CYP2C19: variants seen among roughly 807,000 people sequenced by gnomAD.
The protein encoded by CYP2C19 is cytochrome P450 family 2 subfamily C member 19.
Under a neutral mutation model 40.9 loss-of-function variants are expected in CYP2C19, and 59 were observed. The observed-to-expected ratio is 1.44, with a 90% confidence interval of 1.17 to 1.79. The LOEUF (loss-of-function observed/expected upper bound fraction) is 1.79, where lower values mean the gene tolerates loss of function less well. Ranked by LOEUF, CYP2C19 falls within the 40% of genes most tolerant of loss-of-function variation. CYP2C19 has a pLI of 0.00. For synonymous variants in CYP2C19, 253 were observed against 208.7 expected (o/e 1.21, Z -1.83); for missense variants, 754 against 596.9 (o/e 1.26, Z -2.74).
Position 94,849,979 on chromosome 10 carries a change from A to G in CYP2C19, c.1212A>G (p.Pro404=). The part of the protein sequence containing the change: ...VLHDNKEFPN[P]EMFDPRHFLD... Reference sequence around the variant, plus strand: ...ATGACAACAAAGAATTTCCCAACCCAGAGATGTTTGACCCTCGTCACTTTC... The same window carrying G: ...ATGACAACAAAGAATTTCCCAACCCGGAGATGTTTGACCCTCGTCACTTTC... Residue 404 remains proline (P), a synonymous_variant, in exon 8 of 9, where the codon CCA becomes CCG. Coordinates refer to ENST00000371321, the MANE Select transcript of CYP2C19 (RefSeq NM_000769.4). 1 of 1,613,768 alleles carries G rather than the reference A, an allele frequency of 6.2e-7. No individual in the cohort carries two copies. Among genetic ancestry groups the G allele is most frequent in the Non-Finnish European group, 8.5e-7 (1 of 1,179,776 alleles).
At chr10:94,786,036 C>T (rs569729137) in intron 5 of CYP2C19, among the ~76,000 whole-genome samples, 11 of 151,946 alleles carry the variant, frequency 7.2e-5, no homozygotes, top group Non-Finnish European at 1.5e-4. Context: ...TGCTGTGGTC[C>T]GCCTCCTTCC....
intron 1 of CYP2C19, among the ~76,000 whole-genome samples, chr10:94,764,062 G>T (rs577684366): frequency 1.2e-4 from 18 of 152,150 alleles, no homozygotes; most frequent in African/African-American, 3.9e-4. Flanking sequence ...GGCTTCAGGA[G>T]TGAAGTTGCA....
intron 5 of CYP2C19, among the ~76,000 whole-genome samples, chr10:94,817,122 T>A (rs1337418435): frequency 2.0e-5 from 3 of 147,238 alleles, no homozygotes; most frequent in African/African-American, 7.6e-5. Context: ...TCAAATGGTA[T>A]TTCTAATTCT....
intron 6 of CYP2C19, among the ~76,000 whole-genome samples, chr10:94,827,857 T>C (rs1203860022): frequency 8.5e-5 from 13 of 152,136 alleles, no homozygotes; most frequent in Admixed American, 8.5e-4. Flanking sequence ...GATTCTGGTA[T>C]GTTGTGTCTT....
intron 2 of CYP2C19, 33 bp downstream of exon 2, chr10:94,775,253 C>T: frequency 6.2e-7 from 1 of 1,613,780 alleles, no homozygotes; most frequent in Middle Eastern, 1.7e-4. Context: ...CAGCATCTGT[C>T]TTGGGGATGG....
chr10:94,775,423 A>C lies in CYP2C19; in HGVS notation c.365A>C (p.Glu122Ala), dbSNP rs17885179. The change falls in exon 3 of 9, where the codon GAG becomes GCG. Residue 122 changes from glutamate to alanine, a missense_variant. By Grantham distance (107) the Glu-to-Ala change is moderately radical. Transcript: ENST00000371321. ...IVFSNGKRWK[E>A]IRRFSLMTLR... ...TTCAGCAATGGAAAGAGATGGAAGG[A>C]GATCCGGCGTTTCTCCCTCATGACG... 1,074 of 1,614,064 alleles carry C rather than the reference A, an allele frequency of 6.7e-4. 5 individuals carry two copies. The African/African-American group carries it at 0.012, about 18-fold the overall frequency.
At chr10:94,818,154 C>T (rs1045806122) in intron 5 of CYP2C19, among the ~76,000 whole-genome samples, 3 of 148,916 alleles carry the variant, frequency 2.0e-5, no homozygotes, top group Non-Finnish European at 4.5e-5. Flanking sequence ...GGAATCCTTT[C>T]CCCATTGCTT....
intron 6 of CYP2C19, among the ~76,000 whole-genome samples, chr10:94,836,129 G>A (rs564799150): frequency 6.6e-6 from 1 of 152,340 alleles, no homozygotes; most frequent in East Asian, 1.9e-4. Flanking sequence ...TCAAGTAATA[G>A]AGCCTGATAT....
At chr10:94,768,593 G>C (rs1377907511) in intron 1 of CYP2C19, among the ~76,000 whole-genome samples, 1 of 152,130 alleles carries the variant, frequency 6.6e-6, no homozygotes, top group Non-Finnish European at 1.5e-5. Context: ...CACCTAGTAT[G>C]CCATTTATAT....
intron 3 of CYP2C19, among the ~76,000 whole-genome samples, chr10:94,778,658 CT>C (rs758788157): frequency 9.9e-5 from 15 of 152,156 alleles, no homozygotes; most frequent in Non-Finnish European, 2.2e-4. Context: ...AGCTTTTACA[CT>C]GTTGGTGGAA....
chr10:94,836,017 G>A (rs1301509992), intron 6 of CYP2C19, among the ~76,000 whole-genome samples: 1 of 152,216 alleles, frequency 6.6e-6, no homozygotes, highest in Non-Finnish European at 1.5e-5. Context: ...GTAGGTTTGA[G>A]CAATTACTTG....
intron 1 of CYP2C19, among the ~76,000 whole-genome samples, chr10:94,771,606 A>G (rs997211191): frequency 2.0e-5 from 3 of 152,154 alleles, no homozygotes; most frequent in Admixed American, 6.5e-5. Context: ...ATTGGTCCCA[A>G]TGGCTTAGGA....
At chr10:94,766,089 G>A (rs142483172) in intron 1 of CYP2C19, among the ~76,000 whole-genome samples, 73 of 152,240 alleles carry the variant, frequency 4.8e-4, no homozygotes, top group African/African-American at 1.7e-3. Context: ...ATATTTAGAA[G>A]TTGGAAAGGG....
chr10:94,771,600 G>T (rs1848332173), intron 1 of CYP2C19, among the ~76,000 whole-genome samples: 1 of 152,014 alleles, frequency 6.6e-6, no homozygotes, highest in Admixed American at 6.5e-5. Context: ...AGTCAAATTG[G>T]TCCCAATGGC....
chr10:94,849,368 A>G (rs1564686074), intron 7 of CYP2C19, among the ~76,000 whole-genome samples: 1 of 151,990 alleles, frequency 6.6e-6, no homozygotes, highest in African/African-American at 2.4e-5. Flanking sequence ...TATTAAGAAG[A>G]AGAAACAGGA....
At chr10:94,806,116 A>T (rs1177194562) in intron 5 of CYP2C19, among the ~76,000 whole-genome samples, 4 of 151,436 alleles carry the variant, frequency 2.6e-5, no homozygotes, top group Non-Finnish European at 5.9e-5. Context: ...GAAATCGAGT[A>T]TGCTGGGTAC....
chr10:94,835,722 C>T (rs1849392500), intron 6 of CYP2C19, among the ~76,000 whole-genome samples: 1 of 152,108 alleles, frequency 6.6e-6, no homozygotes, highest in Middle Eastern at 3.2e-3. Context: ...CCTTTCCCTC[C>T]ATATTGCTTC....
chr10:94,826,627 T>G (rs1315435415), intron 6 of CYP2C19, among the ~76,000 whole-genome samples: 1 of 152,180 alleles, frequency 6.6e-6, no homozygotes, highest in Non-Finnish European at 1.5e-5. Flanking sequence ...GACTTCCTCT[T>G]TTCCTAATTG....
rs1849717712 is a variant in CYP2C19 at position 94,855,491 on chromosome 10, A to C, written c.*2577A>C. 6.6e-6 allele frequency among the ~76,000 whole-genome samples: 1 copy of C among 152,242 alleles called. No homozygotes were observed. The highest frequency in any genetic ancestry group is 2.4e-5 in the African/African-American group (1 of 41,462). ...AGAACTTTATTTGGCTCACTAATGA[A>C]TACCAGCCACCTGAAACACTGTTTA... On this transcript the variant is annotated 3_prime_UTR_variant, in exon 9 of 9. Coordinates refer to ENST00000371321, the MANE Select transcript of CYP2C19 (RefSeq NM_000769.4).
Sources: gnomAD v4.1 joint callset for allele counts (sites outside exome capture counted in the v4.1 genomes callset) on GRCh38, gnomAD v4.1.1 for gene constraint, MANE v1.5 for transcripts, NCBI Gene and HGNC (gene_info 2026-07-23, HGNC 2026-07-21) for gene names.